Variants in CDKL2 observed in about 807,000 individuals in gnomAD.
CDKL2 encodes cyclin dependent kinase like 2, also known as cyclin-dependent kinase-like 2.
Under a neutral mutation model 63.9 loss-of-function variants are expected in CDKL2, and 64 were observed. That is an observed-to-expected ratio of 1.00 (90% CI 0.82 to 1.23). The LOEUF is 1.23. Ranked by LOEUF, CDKL2 falls within the 50% of genes most tolerant of loss-of-function variation. The probability of loss-of-function intolerance (pLI) is 0.00; values close to 1 mark genes in which losing one functional copy is unlikely to be tolerated. For synonymous variants in CDKL2, 211 were observed against 229.2 expected (o/e 0.92, Z 0.72); for missense variants, 656 against 668.0 (o/e 0.98, Z 0.20).
intron 7 of CDKL2, among the ~76,000 whole-genome samples, chr4:75,598,671 T>G (rs1729047589): frequency 6.6e-6 from 1 of 151,742 alleles, no homozygotes; most frequent in East Asian, 1.9e-4. Flanking sequence ...AAAGCCAAAC[T>G]CTTAAACGCA....
chr4:75,626,156 T>C, intron 1 of CDKL2, 139 bp from the exon 2 acceptor site: 1 of 607,320 alleles, frequency 1.6e-6, no homozygotes, highest in East Asian at 2.8e-5. Context: ...CACAATTTCC[T>C]AGTGTTTCTA....
intron 1 of CDKL2, among the ~76,000 whole-genome samples, chr4:75,626,983 C>A (rs1187284809): frequency 6.6e-6 from 1 of 151,814 alleles, no homozygotes; most frequent in Non-Finnish European, 1.5e-5. Context: ...GCGGGCAGAT[C>A]ACCTGAGGTC....
intron 2 of CDKL2, among the ~76,000 whole-genome samples, chr4:75,618,201 A>G (rs2148906584): frequency 6.8e-6 from 1 of 146,822 alleles, no homozygotes; most frequent in South Asian, 2.2e-4. Flanking sequence ...TGGTAATGGC[A>G]GACTGAGTAA....
intron 5 of CDKL2, 23 bp from the exon 6 acceptor site, chr4:75,603,979 T>G (rs749601577): frequency 8.2e-6 from 13 of 1,592,546 alleles, no homozygotes; most frequent in Non-Finnish European, 1.0e-5. Context: ...ACAGCACATA[T>G]CTCTGTTATT....
In CDKL2 at chr4:75,602,194, T is replaced by G. The variant is rs185554815; in HGVS notation, c.795+1623A>C. 1.9e-3 allele frequency among the ~76,000 whole-genome samples: 282 copies of G among 152,344 alleles called. 2 individuals are homozygous for G. The highest frequency in any genetic ancestry group is 0.014 in the Admixed American group (207 of 15,306). ...TTTTGTTGTTGTTGTTTGTTTGTTT[T>G]TTTTGACATGGAGTCTCGCTCTGTT... On this transcript the variant is annotated intron_variant, in intron 6 of 13. Coordinates refer to ENST00000307465, the MANE Select transcript of CDKL2 (RefSeq NM_001330724.2).
At chr4:75,619,822 T>C (rs942989919) in intron 2 of CDKL2, among the ~76,000 whole-genome samples, 20 of 152,080 alleles carry the variant, frequency 1.3e-4, no homozygotes, top group Admixed American at 1.2e-3. Flanking sequence ...CCCATGAACA[T>C]GGAAGAATGA....
intron 10 of CDKL2, 25 bp from the exon 11 acceptor site, chr4:75,592,294 A>G (rs773310737): frequency 6.7e-7 from 1 of 1,500,738 alleles, no homozygotes; most frequent in South Asian, 1.3e-5. Context: ...ATAGTCAACA[A>G]AAAAGAATTA....
In CDKL2 at chr4:75,592,325, T is replaced by G. The variant is rs1728753462; in HGVS notation, c.1417-56A>C. 4 of 1,420,164 alleles carry G rather than the reference T, an allele frequency of 2.8e-6. No individual in the cohort carries two copies. The Admixed American group carries it at 8.5e-5, about 30-fold the overall frequency. 88.0% of individuals were successfully genotyped at this position (1,420,164 alleles called of 1,614,324 possible). A position where few individuals can be genotyped will look rare whatever the true frequency, so the allele number is the denominator to read the frequency against. ...AATTAGTTTCAAGGTTAGCTAGGCT[T>G]TCCTTCTTCTGTAACTCCTATGTTC... is the stretch of plus-strand genomic sequence containing the variant. On this transcript the variant is annotated intron_variant, in intron 10 of 13. Coordinates refer to ENST00000307465, the MANE Select transcript of CDKL2 (RefSeq NM_001330724.2).
intron 5 of CDKL2, 139 bp downstream of exon 5, chr4:75,605,383 A>C: frequency 1.7e-6 from 1 of 595,758 alleles, no homozygotes; most frequent in East Asian, 2.9e-5. Context: ...ACACACACAG[A>C]GTTTTCCTAT....
intron 10 of CDKL2, among the ~76,000 whole-genome samples, chr4:75,595,127 T>C (rs1176931315): frequency 6.6e-6 from 1 of 152,140 alleles, no homozygotes; most frequent in Non-Finnish European, 1.5e-5. Context: ...AAAGATTGAC[T>C]TATTTATTTC....
Position 75,598,191 on chromosome 4 carries a change from T to C in CDKL2, c.906A>G (p.Leu302=). The change falls in exon 8 of 14, where the codon TTA becomes TTG. Residue 302 remains leucine (L), a synonymous_variant. Coordinates refer to ENST00000307465, the MANE Select transcript of CDKL2 (RefSeq NM_001330724.2). ...CATTTCTGGCATCTTTCTGTACTTT[T>C]AACTGTAGTTCTTGGGAAAACCTAC... The part of the protein sequence containing the change: ...FAERFSQELQ[L]KVQKDARNVS... 1 of 1,489,630 alleles carries C rather than the reference T, an allele frequency of 6.7e-7. No homozygotes were observed. The highest frequency in any genetic ancestry group is 9.1e-7 in the Non-Finnish European group (1 of 1,093,620). The allele number at this position is 1,489,630 out of a possible 1,614,324, so 92.3% of individuals were successfully genotyped here. A position where few individuals can be genotyped will look rare whatever the true frequency, so the allele number is the denominator to read the frequency against.
intron 3 of CDKL2, among the ~76,000 whole-genome samples, chr4:75,611,740 T>A (rs953585805): frequency 5.4e-5 from 8 of 147,190 alleles, no homozygotes; most frequent in African/African-American, 1.8e-4. Flanking sequence ...CCGCAACCTC[T>A]GCCTCCCAGG....
intron 2 of CDKL2, among the ~76,000 whole-genome samples, chr4:75,623,758 A>T (rs969927235): frequency 5.3e-5 from 8 of 152,228 alleles, no homozygotes; most frequent in African/African-American, 1.4e-4. Context: ...TGCTCCAATT[A>T]AAAGGGAAAT....
At chr4:75,619,005 C>A (rs1730048260) in intron 2 of CDKL2, among the ~76,000 whole-genome samples, 1 of 152,132 alleles carries the variant, frequency 6.6e-6, no homozygotes, top group South Asian at 2.1e-4. Context: ...ACAAAGAAAA[C>A]CCTACCTTAG....
chr4:75,610,208 A>G (rs1306188077), intron 3 of CDKL2, among the ~76,000 whole-genome samples: 2 of 151,778 alleles, frequency 1.3e-5, no homozygotes, highest in Admixed American at 6.6e-5. Flanking sequence ...ATCTCAAAAA[A>G]AAAAAGAAAA....
intron 2 of CDKL2, among the ~76,000 whole-genome samples, chr4:75,618,379 C>T (rs1730021179): frequency 6.7e-6 from 1 of 150,164 alleles, no homozygotes; most frequent in Non-Finnish European, 1.5e-5. Flanking sequence ...CTCAGCCTCC[C>T]GAATAGCTGG....
chr4:75,597,093 T>C lies in CDKL2; in HGVS notation c.1164A>G (p.Ile388Met). 1.2e-6 allele frequency: 2 copies of C among 1,614,216 alleles called. No individual in the cohort carries two copies. Among genetic ancestry groups the C allele is most frequent in the East Asian group, 2.2e-5 (1 of 44,884 alleles). Reference protein sequence around the residue: ...LHDSRTSHNKIVPSTSLKDCS... With the variant: ...LHDSRTSHNKMVPSTSLKDCS... ...AGTCTTTGAGGCTTGTTGAAGGCAC[T>C]ATTTTGTTGTGGCTTGTCCTACTGT... is the stretch of plus-strand genomic sequence containing the variant. The change falls in exon 9 of 14, where the codon ATA (isoleucine) becomes ATG (methionine). Residue 388 changes from isoleucine (I) to methionine (M), a missense_variant. Transcript: ENST00000307465.
intron 3 of CDKL2, among the ~76,000 whole-genome samples, chr4:75,611,907 G>T (rs1729717718): frequency 6.6e-6 from 1 of 151,982 alleles, no homozygotes; most frequent in Non-Finnish European, 1.5e-5. Context: ...ACCCGCCTCG[G>T]CCTCCCAAAT....
chr4:75,626,223 C>G (rs758510569), intron 1 of CDKL2, among the ~76,000 whole-genome samples: 6 of 152,144 alleles, frequency 3.9e-5, no homozygotes, highest in Admixed American at 1.3e-4. Context: ...TCAAAATGGT[C>G]ACACACATTT....
Sources: allele counts gnomAD v4.1 joint callset (sites outside exome capture counted in the v4.1 genomes callset), GRCh38; gene constraint gnomAD v4.1.1; transcripts MANE v1.5; gene names NCBI Gene and HGNC (gene_info 2026-07-23, HGNC 2026-07-21).